CHRNA3: variants seen among roughly 807,000 people sequenced by gnomAD.
CHRNA3 encodes neuronal acetylcholine receptor subunit alpha-3.
Under a neutral mutation model 41.9 loss-of-function variants are expected in CHRNA3, and 34 were observed. The observed-to-expected ratio is 0.81, with a 90% confidence interval of 0.62 to 1.08. CHRNA3 has a LOEUF of 1.08. Ranked by LOEUF, CHRNA3 falls within the 50% of genes least tolerant of loss-of-function variation. The pLI, the probability that CHRNA3 is intolerant of heterozygous loss-of-function variation, is 0.00. For synonymous variants in CHRNA3, 281 were observed against 265.2 expected (o/e 1.06, Z -0.58); for missense variants, 542 against 638.3 (o/e 0.85, Z 1.63).
At chr15:78,602,393 A>G (rs1382513516) in intron 4 of CHRNA3, 129 bp from the exon 5 acceptor site, 2 of 1,047,160 alleles carry the variant, frequency 1.9e-6, no homozygotes, top group Non-Finnish European at 2.7e-6. Flanking sequence ...CTAAAGTGCC[A>G]TAAAAGGTCA....
chr15:78,607,864 C>A (rs1484927987), intron 4 of CHRNA3, among the ~76,000 whole-genome samples: 1 of 152,184 alleles, frequency 6.6e-6, no homozygotes, highest in East Asian at 1.9e-4. Flanking sequence ...CGGGTCACTC[C>A]CACCCTAATA....
intron 4 of CHRNA3, among the ~76,000 whole-genome samples, chr15:78,612,132 C>T (rs1287972416): frequency 6.6e-6 from 1 of 152,016 alleles, no homozygotes; most frequent in Non-Finnish European, 1.5e-5. Context: ...GTGAAAATGG[C>T]CATACTGCCC....
At chr15:78,613,047 G>A (rs1471752127) in intron 4 of CHRNA3, among the ~76,000 whole-genome samples, 37 of 152,236 alleles carry the variant, frequency 2.4e-4, no homozygotes, top group African/African-American at 3.1e-4. Flanking sequence ...TTAGAATGGC[G>A]ATCATTAAAA....
downstream of CHRNA3, chr15:78,593,359 T>A: frequency 8.7e-7 from 1 of 1,155,338 alleles, no homozygotes; most frequent in Non-Finnish European, 1.2e-6. Context: ...GTGCAAGCTT[T>A]AACAGACTAA....
chr15:78,602,332 A>C, intron 4 of CHRNA3, 68 bp from the exon 5 acceptor site: 2 of 1,490,514 alleles, frequency 1.3e-6, no homozygotes, highest in Non-Finnish European at 1.8e-6. Flanking sequence ...TGGTCATCTC[A>C]ACCAGCTTCT....
At position 78,601,845 on chromosome 15, in the gene CHRNA3, G is replaced by A. The variant is rs2053205900; in HGVS notation, c.797C>T (p.Pro266Leu). The A allele has an allele frequency of 1.9e-6, 3 of 1,614,000 alleles. No individual in the cohort carries two copies. Among genetic ancestry groups the A allele is most frequent in the South Asian group, 2.2e-5 (2 of 91,076 alleles). ...SFLTVLVFYL[P>L]SDCGEKVTLC... ...GGTCACCTTCTCACCGCAGTCGGAG[G>A]GCAGGTAGAAGACGAGCACAGTGAG... The change falls in exon 5 of 6, where the codon CCC (proline) becomes CTC (leucine). Residue 266 changes from proline (P) to leucine (L), a missense_variant. Coordinates refer to ENST00000326828, the MANE Select transcript of CHRNA3 (RefSeq NM_000743.5).
intron 4 of CHRNA3, among the ~76,000 whole-genome samples, chr15:78,603,979 G>C (rs993467948): frequency 6.6e-6 from 1 of 152,214 alleles, no homozygotes; most frequent in Admixed American, 6.5e-5. Flanking sequence ...GGAGAGGGCT[G>C]GGCTAAGCAG....
intron 5 of CHRNA3, 25 bp from the exon 6 acceptor site, chr15:78,596,757 A>G (rs1822731864): frequency 6.3e-7 from 1 of 1,590,184 alleles, no homozygotes; most frequent in East Asian, 2.3e-5. Flanking sequence ...GATAAAAGAA[A>G]AAAAACATGG....
rs2053354068 is a variant in CHRNA3 at position 78,609,784 on chromosome 15, A to T, written c.377+7240T>A. ...CTCCAATTAAAAGACACAGACTAGCAAATTGGATAAAGAGTCAAGACCCAT... is the reference window on the plus strand; with the variant it reads ...CTCCAATTAAAAGACACAGACTAGCTAATTGGATAAAGAGTCAAGACCCAT... On this transcript the variant is annotated intron_variant, in intron 4 of 5. Coordinates refer to ENST00000326828, the MANE Select transcript of CHRNA3 (RefSeq NM_000743.5). Among the ~76,000 whole-genome samples, 5 of 152,226 alleles carry T rather than the reference A, an allele frequency of 3.3e-5. No individual in the cohort carries two copies. In the South Asian group the frequency reaches 1.0e-3, roughly 31 times the overall value.
rs201236132 is a variant in CHRNA3 at position 78,601,655 on chromosome 15, G to A, written c.987C>T (p.His329=). The change falls in exon 5 of 6, where the codon CAC becomes CAT. Residue 329 remains histidine (H), a synonymous_variant. Transcript: ENST00000326828. ...IVITVFVLNV[H]YRTPTTHTMP... ...TTGTGTGTGTCGTCGGGGTTCTGTA[G>A]TGCACGTTGAGCACGAAGACGGTGA... 9.3e-6 allele frequency: 15 copies of A among 1,614,064 alleles called. No individual in the cohort carries two copies. Among genetic ancestry groups the A allele is most frequent in the Middle Eastern group, 1.6e-4 (1 of 6,084 alleles).
chr15:78,611,929 GACAA>G (rs1477666874), intron 4 of CHRNA3, among the ~76,000 whole-genome samples: 2 of 151,960 alleles, frequency 1.3e-5, no homozygotes, highest in Non-Finnish European at 1.5e-5. Flanking sequence ...GCCAATAACA[GACAA>G]ACAGCCAAAT....
At chr15:78,596,858 CT>C in intron 5 of CHRNA3, 126 bp from the exon 6 acceptor site, 25 of 1,346,838 alleles carry the variant, frequency 1.9e-5, no homozygotes, top group East Asian at 8.0e-5. Flanking sequence ...GTAAGAAGCC[CT>C]TTTTTTCCTA....
intron 4 of CHRNA3, among the ~76,000 whole-genome samples, chr15:78,615,480 C>T (rs181929999): frequency 6.6e-6 from 1 of 152,262 alleles, no homozygotes; most frequent in East Asian, 1.9e-4. Flanking sequence ...CACACATCCA[C>T]TCTGGGCCTC....
chr15:78,593,159 T>A, downstream of CHRNA3: 2 of 1,613,984 alleles, frequency 1.2e-6, no homozygotes, highest in Non-Finnish European at 1.7e-6. Flanking sequence ...TTTCTTTTCG[T>A]TTCAATTGTT....
intron 4 of CHRNA3, 130 bp from the exon 5 acceptor site, chr15:78,602,394 T>A: frequency 9.5e-7 from 1 of 1,049,960 alleles, no homozygotes; most frequent in Non-Finnish European, 1.4e-6. Context: ...TAAAGTGCCA[T>A]AAAAGGTCAC....
chr15:78,602,290 T>C lies in CHRNA3; in HGVS notation c.378-26A>G, dbSNP rs773346977. ...CTGCAAAGACAAAGAGGGGGCACAG[T>C]GACACACGGTCATTAACACTTGGTC... On this transcript the variant is annotated intron_variant, in intron 4 of 5. Transcript: ENST00000326828. 5.6e-6 allele frequency: 9 copies of C among 1,602,808 alleles called. No homozygotes were observed. The South Asian group carries it at 9.0e-5, about 16-fold the overall frequency.
chr15:78,602,312 G>T, intron 4 of CHRNA3, 48 bp from the exon 5 acceptor site: 1 of 1,566,282 alleles, frequency 6.4e-7, no homozygotes, highest in Non-Finnish European at 8.7e-7. Flanking sequence ...ATTAACACTT[G>T]GTCATATTGT....
At chr15:78,602,416 C>T (rs865877513) in intron 4 of CHRNA3, 152 bp from the exon 5 acceptor site, 10 of 836,746 alleles carry the variant, frequency 1.2e-5, no homozygotes, top group South Asian at 1.9e-5. Context: ...CATTTCCTGG[C>T]CCCATTTACC....
intron 3 of CHRNA3, 138 bp downstream of exon 3, chr15:78,618,479 T>C (rs2053498666): frequency 2.9e-5 from 27 of 921,934 alleles, no homozygotes; most frequent in Admixed American, 4.2e-5. Flanking sequence ...AGAAGAGATA[T>C]ATCTGCCAGT....
Sources: gnomAD v4.1 joint callset for allele counts (sites outside exome capture counted in the v4.1 genomes callset) on GRCh38, gnomAD v4.1.1 for gene constraint, MANE v1.5 for transcripts, NCBI Gene and HGNC (gene_info 2026-07-23, HGNC 2026-07-21) for gene names.